Variants in ACOT11 observed in about 807,000 individuals in gnomAD.
ACOT11 encodes the protein acyl-coenzyme A thioesterase 11.
ACOT11 carries 69 observed loss-of-function variants against 77.5 expected under a neutral mutation model. The observed-to-expected ratio is 0.89, with a 90% CI of 0.73 to 1.09. The LOEUF (loss-of-function observed/expected upper bound fraction) is 1.09, where lower values mean the gene tolerates loss of function less well. Among genes scored for constraint, ACOT11 ranks in the 50% least tolerant of loss-of-function variants. The pLI is 0.00. For missense variants in ACOT11, 766 were observed against 813.7 expected (o/e 0.94, Z 0.71); for synonymous variants, 279 against 313.0 (o/e 0.89, Z 1.15).
intron 15 of ACOT11, among the ~76,000 whole-genome samples, chr1:54,615,693 G>A (rs57055904): frequency 0.012 from 1,799 of 152,210 alleles, 40 homozygotes; most frequent in African/African-American, 0.041. Context: ...GAGGGGAAGG[G>A]TGGGGCTGGG....
intron 1 of ACOT11, among the ~76,000 whole-genome samples, chr1:54,558,504 T>C (rs995584396): frequency 3.3e-5 from 5 of 152,080 alleles, no homozygotes; most frequent in Admixed American, 6.5e-5. Flanking sequence ...TGTGAGAGAA[T>C]GATGAGGGGG....
chr1:54,603,948 C>G lies in ACOT11; in HGVS notation c.1152+11C>G. 1 of 1,613,656 alleles carries G rather than the reference C, an allele frequency of 6.2e-7. No homozygotes were observed. Among genetic ancestry groups the G allele is most frequent in the Non-Finnish European group, 8.5e-7 (1 of 1,179,602 alleles). On this transcript the variant is annotated intron_variant, in intron 11 of 15. Transcript: ENST00000343744. ...GACCCTAGCAACCAGGTAAGGCTCT[C>G]TGCTCCGAGAGGACAGTCTTCAGAC... is the stretch of plus-strand genomic sequence containing the variant.
chr1:54,614,173 C>T (rs1404073387), downstream of ACOT11, among the ~76,000 whole-genome samples: 2 of 152,304 alleles, frequency 1.3e-5, no homozygotes, highest in East Asian at 3.9e-4. Flanking sequence ...CATTCTCTCT[C>T]TTTGTAAACT....
chr1:54,613,065 A>C (rs763597443), downstream of ACOT11, among the ~76,000 whole-genome samples: 1 of 151,970 alleles, frequency 6.6e-6, no homozygotes, highest in Non-Finnish European at 1.5e-5. Flanking sequence ...GAGTCTCTGA[A>C]GTTTCTCAGG....
chr1:54,609,928 C>G lies in ACOT11; in HGVS notation c.*816C>G. 6.2e-7 allele frequency: 1 copy of G among 1,605,540 alleles called. No homozygotes were observed. The highest frequency in any genetic ancestry group is 8.5e-7 in the Non-Finnish European group (1 of 1,178,782). ...CCTCGAGGCCAGTGTTCAGCAGGAT[C>G]ATGCCTTCTGTGTCTGGAAGAGGCG... On this transcript the variant is annotated 3_prime_UTR_variant, in exon 16 of 16. Transcript: ENST00000343744.
intron 1 of ACOT11, among the ~76,000 whole-genome samples, chr1:54,573,833 C>A: frequency 6.6e-6 from 1 of 152,032 alleles, no homozygotes; most frequent in East Asian, 1.9e-4. Context: ...AGTTTGAGAC[C>A]AGCCTGATGA....
chr1:54,611,332 G>A (rs946124414), downstream of ACOT11, among the ~76,000 whole-genome samples: 3 of 152,044 alleles, frequency 2.0e-5, no homozygotes, highest in African/African-American at 2.4e-5. Flanking sequence ...CCCAGGAGGC[G>A]GAGGTTACAG....
chr1:54,601,211 G>A, intron 8 of ACOT11, 58 bp from the exon 9 acceptor site: 1 of 1,574,130 alleles, frequency 6.4e-7, no homozygotes, highest in Non-Finnish European at 8.6e-7. Flanking sequence ...GTGTTGGGGA[G>A]GAGGCATGGC....
chr1:54,606,639 G>A (rs1644029177), intron 13 of ACOT11, among the ~76,000 whole-genome samples: 1 of 152,236 alleles, frequency 6.6e-6, no homozygotes, highest in Non-Finnish European at 1.5e-5. Flanking sequence ...AATACTAAAA[G>A]CGTCTACAGC....
rs569206951 is a variant in ACOT11, at chr1:54,608,023, C to G, written c.1584C>G (p.Leu528=). 9.3e-6 allele frequency: 15 copies of G among 1,613,610 alleles called. No homozygotes were observed. In the East Asian group the frequency reaches 3.1e-4, roughly 34 times the overall value. ...ETPEYRRGET[L]CSGFCLWREG... Reference sequence around the variant, plus strand: ...CAGAGTACAGACGCGGAGAGACCCTCTGCTCAGGCTTCTGCCTCTGGCGCG... The same window carrying G: ...CAGAGTACAGACGCGGAGAGACCCTGTGCTCAGGCTTCTGCCTCTGGCGCG... Residue 528 remains leucine (L), a synonymous_variant, in exon 15 of 16, where the codon CTC becomes CTG. Transcript: ENST00000343744.
Position 54,610,183 on chromosome 1 carries a change from C to A in ACOT11, c.*1071C>A, listed in dbSNP as rs1644100891. On this transcript the variant is annotated 3_prime_UTR_variant, in exon 16 of 16. Transcript: ENST00000343744. ...GACTCAGCCTGGGGGCTGGTGCCGG[C>A]CTTGCCTGCAGCAATGTAGCTGAGG... The A allele has an allele frequency of 7.0e-7, 1 of 1,433,008 alleles. No homozygotes were observed. The highest frequency in any genetic ancestry group is 2.9e-5 in the Admixed American group (1 of 34,646). 88.8% of individuals were successfully genotyped at this position (1,433,008 alleles called of 1,614,324 possible).
At chr1:54,569,520 G>A (rs867944037) in intron 1 of ACOT11, among the ~76,000 whole-genome samples, 1 of 152,094 alleles carries the variant, frequency 6.6e-6, no homozygotes. Context: ...ACAGGACTGG[G>A]CCTCATGCTG....
At chr1:54,634,711 A>G in exon 17 of ACOT11, 1 of 702,622 alleles carries the variant, frequency 1.4e-6, no homozygotes, top group Non-Finnish European at 2.6e-6. Context: ...GCCGATTTGG[A>G]TACCTTCAAG....
chr1:54,619,249 C>T (rs149339472), intron 15 of ACOT11, among the ~76,000 whole-genome samples: 166 of 152,320 alleles, frequency 1.1e-3, no homozygotes, highest in African/African-American at 3.9e-3. Context: ...TGTTCGTGAA[C>T]ATTATCTACT....
chr1:54,629,022 G>A (rs1271528751), intron 15 of ACOT11, among the ~76,000 whole-genome samples: 2 of 110,304 alleles, frequency 1.8e-5, no homozygotes, highest in African/African-American at 3.1e-5. Context: ...TTGTACTGCC[G>A]CACTCCAGCC....
At position 54,584,504 on chromosome 1, in the gene ACOT11, G is replaced by A. The variant is rs1654426903; in HGVS notation, c.34-151G>A. On this transcript the variant is annotated intron_variant, in intron 1 of 15. Coordinates refer to ENST00000343744, the MANE Select transcript of ACOT11 (RefSeq NM_147161.4). The surrounding 1 kb of genome is among the most constrained non-coding windows in gnomAD (Gnocchi z 6.3). ...TGGGGTCCGAGACCACGGGCTGGAG[G>A]GTGGTGACCACTCTCGGGTTGGGGT... The A allele has an allele frequency of 8.9e-6, 6 of 674,056 alleles. No homozygotes were observed. In the East Asian group the frequency reaches 1.4e-4, roughly 16 times the overall value. 41.8% of individuals were successfully genotyped at this position (674,056 alleles called of 1,614,324 possible). A position where few individuals can be genotyped will look rare whatever the true frequency, so the allele number is the denominator to read the frequency against.
chr1:54,601,117 ATG>A lies in ACOT11; in HGVS notation c.885-144_885-143del, dbSNP rs762106988. On this transcript the variant is annotated intron_variant, in intron 8 of 15. Coordinates refer to ENST00000343744, the MANE Select transcript of ACOT11 (RefSeq NM_147161.4). The stretch of plus-strand genomic sequence containing the variant: ...CATGTGTGTGTATGTGTGTGCATAC[ATG>A]TGTGTGTATGTGTGTGCATACGTGT... 2.7e-4 allele frequency: 67 copies of A among 249,464 alleles called. 21 individuals carry two copies. Among genetic ancestry groups the A allele is most frequent in the Middle Eastern group, 1.9e-3 (2 of 1,042 alleles). The allele number at this position is 249,464 out of a possible 1,614,324, so 15.5% of individuals were successfully genotyped here. A position where few individuals can be genotyped will look rare whatever the true frequency, so the allele number is the denominator to read the frequency against.
At chr1:54,579,193 C>T (rs931392753) in intron 1 of ACOT11, among the ~76,000 whole-genome samples, 1 of 152,044 alleles carries the variant, frequency 6.6e-6, no homozygotes. Flanking sequence ...ACGTATGCTC[C>T]CTATTTTACC....
At chr1:54,638,928 T>C (rs1247980063) in exon 17 of ACOT11, 7 of 152,226 alleles carry the variant, frequency 4.6e-5, no homozygotes, top group Non-Finnish European at 8.8e-5. Flanking sequence ...CAGTGGTGCA[T>C]GCTTGTAATT....
Sources: allele counts gnomAD v4.1 joint callset (sites outside exome capture counted in the v4.1 genomes callset), GRCh38; gene constraint gnomAD v4.1.1; non-coding constraint Gnocchi (gnomAD v3.1); transcripts MANE v1.5; gene names NCBI Gene and HGNC (gene_info 2026-07-23, HGNC 2026-07-21).